Variants in OR5BS1 observed in about 807,000 individuals in gnomAD.
The protein encoded by OR5BS1 is olfactory receptor family 5 subfamily BS member 1.
chr12:48,562,667 A>G, the OR5BS1 span: 2 of 397,046 alleles, frequency 5.0e-6, no homozygotes, highest in Non-Finnish European at 8.9e-6. Flanking sequence ...AGATGCTGCC[A>G]CCAGAGAAAG....
At chr12:48,560,117 C>A in the OR5BS1 span, 7 of 401,918 alleles carry the variant, frequency 1.7e-5, no homozygotes, top group Non-Finnish European at 3.1e-5. Flanking sequence ...ATTATTGTGC[C>A]TAAACTGCTA....
chr12:48,559,882 A>G, the OR5BS1 span: 4 of 401,298 alleles, frequency 1.0e-5, no homozygotes, highest in African/African-American at 2.1e-5. Context: ...TGAATGCTCC[A>G]TGGAAGTCAG....
chr12:48,560,441 T>G, the OR5BS1 span: 1 of 401,480 alleles, frequency 2.5e-6, no homozygotes, highest in Non-Finnish European at 4.4e-6. Flanking sequence ...GTGCTCTTAT[T>G]GACCTGTTCT....
chr12:48,561,116 A>C, the OR5BS1 span, among the ~76,000 whole-genome samples: 356 of 152,054 alleles, frequency 2.3e-3, 2 homozygotes, highest in African/African-American at 7.5e-3. Context: ...AAAAAAAAAA[A>C]ACAGAATCTA....
chr12:48,561,428 A>G, the OR5BS1 span, among the ~76,000 whole-genome samples: 1 of 152,188 alleles, frequency 6.6e-6, no homozygotes, highest in African/African-American at 2.4e-5. Context: ...ACTACAAGAG[A>G]AATATTATCA....
chr12:48,561,526 G>A, the OR5BS1 span, among the ~76,000 whole-genome samples: 4 of 152,180 alleles, frequency 2.6e-5, no homozygotes, highest in East Asian at 5.8e-4. Context: ...GGAGCCATAA[G>A]TTGGACCGAG....
chr12:48,561,571 C>T, the OR5BS1 span, among the ~76,000 whole-genome samples: 1 of 152,156 alleles, frequency 6.6e-6, no homozygotes, highest in African/African-American at 2.4e-5. Flanking sequence ...TCTCAGACAT[C>T]GACAGCTCTG....
At chr12:48,560,686 C>T in the OR5BS1 span, 7 of 400,634 alleles carry the variant, frequency 1.7e-5, no homozygotes, top group African/African-American at 4.1e-5. Context: ...AATATAAATG[C>T]GGGATATTCC....
At chr12:48,560,434 C>T in the OR5BS1 span, 10 of 401,576 alleles carry the variant, frequency 2.5e-5, no homozygotes, top group Non-Finnish European at 4.0e-5. Context: ...TCCTCCGGTG[C>T]TCTTATTGAC....
the OR5BS1 span, chr12:48,560,785 T>C: frequency 2.5e-6 from 1 of 396,458 alleles, no homozygotes; most frequent in Non-Finnish European, 4.4e-6. Context: ...GGCTCTACCA[T>C]GGACTAGCTG....
At chr12:48,561,903 A>G in the OR5BS1 span, among the ~76,000 whole-genome samples, 2 of 152,208 alleles carry the variant, frequency 1.3e-5, no homozygotes, top group Non-Finnish European at 1.5e-5. Flanking sequence ...CTTCATAGAA[A>G]TGTTAGAAAG....
At chr12:48,560,657 A>G in the OR5BS1 span, 1 of 401,046 alleles carries the variant, frequency 2.5e-6, no homozygotes, top group Non-Finnish European at 4.4e-6. Context: ...GTTCTCAGGT[A>G]TGTCATACTA....
At chr12:48,560,527 G>A in the OR5BS1 span, 2 of 401,740 alleles carry the variant, frequency 5.0e-6, no homozygotes, top group South Asian at 1.3e-4. Context: ...CCTTTTGCTG[G>A]GTTCCTACAG....
At chr12:48,560,028 C>A in the OR5BS1 span, 1 of 402,994 alleles carries the variant, frequency 2.5e-6, no homozygotes, top group Non-Finnish European at 4.4e-6. Flanking sequence ...TGCTGGTGAT[C>A]AGTACTGATT....
At chr12:48,560,228 C>A in the OR5BS1 span, 2 of 401,266 alleles carry the variant, frequency 5.0e-6, no homozygotes, top group Non-Finnish European at 8.8e-6. Context: ...TGCCTCCTCT[C>A]GGTCATGGCC....
At chr12:48,562,915 C>G in the OR5BS1 span, 26 of 401,550 alleles carry the variant, frequency 6.5e-5, no homozygotes, top group East Asian at 9.3e-4. Flanking sequence ...AAAGGTGGCT[C>G]TGAGGAGGAT....
chr12:48,561,664 A>G, the OR5BS1 span, among the ~76,000 whole-genome samples: 3 of 152,298 alleles, frequency 2.0e-5, no homozygotes, highest in South Asian at 4.1e-4. Context: ...ATTTGCACAA[A>G]TTGTTCAATA....
chr12:48,562,954 T>C, the OR5BS1 span: 4 of 401,104 alleles, frequency 1.0e-5, no homozygotes, highest in Non-Finnish European at 1.8e-5. Context: ...GCTTCCCTTG[T>C]AGCCCAGCGT....
At chr12:48,561,113 A>C in the OR5BS1 span, among the ~76,000 whole-genome samples, 1 of 152,102 alleles carries the variant, frequency 6.6e-6, no homozygotes, top group Non-Finnish European at 1.5e-5. Flanking sequence ...AAAAAAAAAA[A>C]AAAACAGAAT....
Sources: gnomAD v4.1 joint callset for allele counts (sites outside exome capture counted in the v4.1 genomes callset) on GRCh38, gnomAD v4.1.1 for gene constraint, MANE v1.5 for transcripts, NCBI Gene and HGNC (gene_info 2026-07-23, HGNC 2026-07-21) for gene names.